TOP2B: variants seen among roughly 807,000 people sequenced by gnomAD.
TOP2B encodes DNA topoisomerase II beta, also known as DNA topoisomerase 2-beta.
In TOP2B, 51 loss-of-function variants were observed where a neutral mutation model predicts 193.5. The observed-to-expected ratio is 0.26, with a 90% CI of 0.21 to 0.33. TOP2B has a LOEUF of 0.33. Among genes scored for constraint, TOP2B ranks in the 10% least tolerant of loss-of-function variants. The pLI is 1.00. For missense variants in TOP2B, 1,378 were observed against 1,909.3 expected (o/e 0.72, Z 5.19); for synonymous variants, 634 against 635.7 (o/e 1.00, Z 0.04).
chr3:25,627,493 A>G (rs149011116), intron 15 of TOP2B, among the ~76,000 whole-genome samples, 197 bp from the exon 16 acceptor site: 19 of 152,262 alleles, frequency 1.2e-4, no homozygotes, highest in Admixed American at 2.6e-4. Context: ...GCTACCTATG[A>G]AATGTTTTTG....
rs750201054 is a variant in TOP2B, at chr3:25,636,080, T to C, written c.708A>G (p.Thr236=). Residue 236 remains threonine (T), a synonymous_variant, in exon 7 of 36, where the codon ACA becomes ACG. Coordinates refer to ENST00000264331, the MANE Select transcript of TOP2B (RefSeq NM_001330700.2). ...KIKHFDGEDY[T]CITFQPDLSK... is the part of the protein sequence containing the mutation. ...ACAGATCTGGTTGGAATGTTATGCA[T>C]GTGTAATCTTCACCATCAAAATGTT... The C allele has an allele frequency of 2.5e-6, 4 of 1,612,620 alleles. No individual in the cohort carries two copies. Among genetic ancestry groups the C allele is most frequent in the Non-Finnish European group, 3.4e-6 (4 of 1,179,118 alleles).
At chr3:25,630,231 GAGA>G (rs1458450210) in intron 12 of TOP2B, 77 bp from the exon 13 acceptor site, 42 of 1,517,840 alleles carry the variant, frequency 2.8e-5, no homozygotes, top group Non-Finnish European at 3.3e-5. Context: ...TTAAAAATTC[GAGA>G]AGTTTAGTAA....
intron 28 of TOP2B, 84 bp downstream of exon 28, chr3:25,612,431 T>C (rs373690304): frequency 9.8e-7 from 1 of 1,018,428 alleles, no homozygotes; most frequent in Non-Finnish European, 1.4e-6. Flanking sequence ...CAAAGCATGA[T>C]TTAAACACGC....
In TOP2B at chr3:25,621,386, G is replaced by A. The variant is rs551011638; in HGVS notation, c.2728-570C>T. Among the ~76,000 whole-genome samples the A allele has an allele frequency of 1.1e-4, 16 of 152,078 alleles. No homozygotes were observed. In the Middle Eastern group the frequency reaches 0.02, roughly 194 times the overall value. On this transcript the variant is annotated intron_variant, in intron 21 of 35. Coordinates refer to ENST00000264331, the MANE Select transcript of TOP2B (RefSeq NM_001330700.2). ...TAAGTTTTTATTTGTTTTGAGACAG[G>A]GTCTCCACTTTGTCACCCAGGCTGG...
At chr3:25,637,333 A>G in intron 5 of TOP2B, 21 bp from the exon 6 acceptor site, 1 of 1,513,680 alleles carries the variant, frequency 6.6e-7, no homozygotes, top group South Asian at 1.2e-5. Context: ...AATTAAATGT[A>G]AAAGGTTTAG....
intron 32 of TOP2B, 82 bp downstream of exon 32, chr3:25,605,961 G>T: frequency 1.4e-6 from 1 of 735,156 alleles, no homozygotes. Flanking sequence ...GTTAAATCAT[G>T]ACCTAACGAT....
chr3:25,623,703 G>T lies in TOP2B; in HGVS notation c.2539C>A (p.Leu847Ile), dbSNP rs1479769291. The change falls in exon 21 of 36, where the codon CTT becomes ATT. Residue 847 changes from leucine to isoleucine, a missense_variant. Around this residue, in one of 9 missense-constraint regions of TOP2B, gnomAD observed 379 missense variants for 615.1 expected, o/e 0.62. Coordinates refer to ENST00000264331, the MANE Select transcript of TOP2B (RefSeq NM_001330700.2). ...TGATTATCATCATAAAGGAACTTAA[G>T]GAGGTTGTCATCCACAGCAGGAAAA... ...LLFPAVDDNL[L>I]KFLYDDNQRV... 1 of 1,613,756 alleles carries T rather than the reference G, an allele frequency of 6.2e-7. No individual in the cohort carries two copies.
At chr3:25,631,821 C>G (rs1458071858) in intron 10 of TOP2B, among the ~76,000 whole-genome samples, 1 of 151,932 alleles carries the variant, frequency 6.6e-6, no homozygotes, top group Non-Finnish European at 1.5e-5. Flanking sequence ...AAGTTAGAAC[C>G]TAAAAAACAA....
chr3:25,607,047 T>G (rs1702252674), intron 31 of TOP2B, 124 bp downstream of exon 31: 1 of 1,354,998 alleles, frequency 7.4e-7, no homozygotes, highest in Admixed American at 2.8e-5. Flanking sequence ...TTAACAAGAT[T>G]GATTCCTTCA....
chr3:25,601,364 T>C (rs1702090450), intron 33 of TOP2B, 139 bp from the exon 34 acceptor site: 1 of 1,056,804 alleles, frequency 9.5e-7, no homozygotes, highest in Non-Finnish European at 1.3e-6. Context: ...ACACCTGTAA[T>C]GCCAGCACTC....
chr3:25,628,425 G>A (rs1035630443), intron 15 of TOP2B, among the ~76,000 whole-genome samples: 2 of 152,120 alleles, frequency 1.3e-5, no homozygotes, highest in African/African-American at 4.8e-5. Flanking sequence ...GCAGTGAGCT[G>A]TGTTCATGCT....
At chr3:25,658,981 T>C (rs1187307359) in intron 1 of TOP2B, among the ~76,000 whole-genome samples, 1 of 152,116 alleles carries the variant, frequency 6.6e-6, no homozygotes, top group Non-Finnish European at 1.5e-5. Context: ...TGCCAGTTGG[T>C]ACTAAAAAAG....
At chr3:25,600,259 T>G (rs1702055285) in intron 34 of TOP2B, among the ~76,000 whole-genome samples, 2 of 152,106 alleles carry the variant, frequency 1.3e-5, no homozygotes, top group Non-Finnish European at 2.9e-5. Flanking sequence ...ATAAAACAAC[T>G]AAATAGCAAT....
intron 7 of TOP2B, 49 bp from the exon 8 acceptor site, chr3:25,634,063 CA>C: frequency 2.8e-6 from 4 of 1,405,794 alleles, no homozygotes; most frequent in Non-Finnish European, 3.9e-6. Context: ...ACTGGCAGCT[CA>C]AATAGGTGAA....
intron 1 of TOP2B, among the ~76,000 whole-genome samples, chr3:25,651,944 G>C (rs1339985450): frequency 6.6e-6 from 1 of 151,442 alleles, no homozygotes; most frequent in African/African-American, 2.4e-5. Flanking sequence ...TCCAACTACA[G>C]GTTGTTTACA....
At chr3:25,627,652 C>T (rs1297566108) in intron 15 of TOP2B, among the ~76,000 whole-genome samples, 2 of 152,078 alleles carry the variant, frequency 1.3e-5, no homozygotes, top group Non-Finnish European at 2.9e-5. Flanking sequence ...ACAGAACAAA[C>T]AACCCAACTT....
At chr3:25,659,059 T>A (rs1003438965) in intron 1 of TOP2B, among the ~76,000 whole-genome samples, 1 of 152,124 alleles carries the variant, frequency 6.6e-6, no homozygotes, top group Non-Finnish European at 1.5e-5. Context: ...AGAGTGGAAG[T>A]GGGGGCTGGC....
rs1321777869 is a variant in TOP2B, at chr3:25,601,349, G to GGCTC, written c.4490-128_4490-125dup. The GGCTC allele has an allele frequency of 3.3e-6, 4 of 1,198,164 alleles. No individual in the cohort carries two copies. In the African/African-American group the frequency reaches 6.2e-5, roughly 19 times the overall value. 74.2% of individuals were successfully genotyped at this position (1,198,164 alleles called of 1,614,324 possible). On this transcript the variant is annotated intron_variant, in intron 33 of 35. Transcript: ENST00000264331. ...ACTGAGTTGCCTGGCTGGGCGTGGTGGCTCACACCTGTAATGCCAGCACTC... is the reference window on the plus strand; with the variant it reads ...ACTGAGTTGCCTGGCTGGGCGTGGTGGCTCGCTCACACCTGTAATGCCAGCACTC...
intron 25 of TOP2B, among the ~76,000 whole-genome samples, chr3:25,617,652 A>G: frequency 6.6e-6 from 1 of 152,220 alleles, no homozygotes; most frequent in African/African-American, 2.4e-5. Flanking sequence ...TATGCACAAA[A>G]TAATCTAATA....
Sources: gnomAD v4.1 joint callset for allele counts (sites outside exome capture counted in the v4.1 genomes callset) on GRCh38, gnomAD v4.1.1 for gene constraint, gnomAD v4.1.1 regional missense constraint, MANE v1.5 for transcripts, NCBI Gene and HGNC (gene_info 2026-07-23, HGNC 2026-07-21) for gene names.